The following MED13L variants were observed in gnomAD, a reference collection of about 807,000 sequenced individuals.
The protein encoded by MED13L is mediator of RNA polymerase II transcription subunit 13-like.
MED13L carries 7 observed loss-of-function variants against 220.9 expected under a neutral mutation model. The ratio of observed to expected loss-of-function variants is 0.03; its 90% CI spans 0.02 to 0.06. The LOEUF (loss-of-function observed/expected upper bound fraction) is 0.06. Ranked by LOEUF, MED13L falls within the 10% of genes least tolerant of loss-of-function variation. The probability of loss-of-function intolerance (pLI) is 1.00; values close to 1 mark genes in which losing one functional copy is unlikely to be tolerated. For missense variants in MED13L, 1,965 were observed against 2,760.5 expected, an observed-to-expected ratio of 0.71 and a Z score of 6.46; for synonymous variants, 1,011 against 1,015.2, an observed-to-expected ratio of 1.00 and a Z score of 0.08.
chr12:116,257,245 A>T (rs1302788666), intron 1 of MED13L, among the ~76,000 whole-genome samples: 1 of 152,196 alleles, frequency 6.6e-6, no homozygotes, highest in Non-Finnish European at 1.5e-5. Context: ...ACAGAAACGT[A>T]TATTATTTAC....
chr12:116,087,422 T>G (rs1019030229), intron 4 of MED13L, among the ~76,000 whole-genome samples: 3 of 152,222 alleles, frequency 2.0e-5, no homozygotes, highest in Middle Eastern at 3.2e-3. Flanking sequence ...ACTGTATTCT[T>G]AACCATCTTT....
intron 4 of MED13L, among the ~76,000 whole-genome samples, chr12:116,088,703 C>A (rs1871931417): frequency 6.6e-6 from 1 of 150,916 alleles, no homozygotes; most frequent in African/African-American, 2.4e-5. Flanking sequence ...CAAAGTTAAC[C>A]CCTTGCTTAA....
In MED13L at chr12:116,010,103, A is replaced by G. The variant is rs2137392267; in HGVS notation, c.1281-971T>C. 1.3e-5 allele frequency among the ~76,000 whole-genome samples: 2 copies of G among 152,314 alleles called. 1 individual carries two copies. Among genetic ancestry groups the G allele is most frequent in the South Asian group, 4.1e-4 (2 of 4,830 alleles). On this transcript the variant is annotated intron_variant, in intron 9 of 30. Coordinates refer to ENST00000281928, the MANE Select transcript of MED13L (RefSeq NM_015335.5). ...GGGCATAATGGGATGGTTTAGTGGGACAGCAGGATGGCTGCCCTGCTCCAT... is the reference window on the plus strand; with the variant it reads ...GGGCATAATGGGATGGTTTAGTGGGGCAGCAGGATGGCTGCCCTGCTCCAT...
At chr12:116,145,778 T>C (rs1352894878) in intron 2 of MED13L, among the ~76,000 whole-genome samples, 2 of 151,768 alleles carry the variant, frequency 1.3e-5, no homozygotes, top group African/African-American at 2.4e-5. Flanking sequence ...TCTCCTGCCT[T>C]GGTCTCCCCA....
intron 7 of MED13L, among the ~76,000 whole-genome samples, chr12:116,018,897 T>TAAA (rs1303750002): frequency 9.0e-6 from 1 of 111,672 alleles, no homozygotes; most frequent in African/African-American, 3.3e-5. Flanking sequence ...TGTTCAAAAT[T>TAAA]AAAAAAAAAA....
At chr12:116,257,891 CA>C (rs1047047116) in intron 1 of MED13L, among the ~76,000 whole-genome samples, 3 of 150,504 alleles carry the variant, frequency 2.0e-5, no homozygotes, top group African/African-American at 4.9e-5. Context: ...CAGTCTAAGA[CA>C]AAAAAAAATC....
chr12:116,220,591 T>C (rs1883252446), intron 2 of MED13L, among the ~76,000 whole-genome samples: 1 of 152,090 alleles, frequency 6.6e-6, no homozygotes, highest in African/African-American at 2.4e-5. Context: ...CCCAGCTACT[T>C]GGGAGGCTGA....
chr12:115,984,311 A>G lies in MED13L; in HGVS notation c.4400T>C (p.Val1467Ala). Residue 1467 changes from valine (V) to alanine (A), a missense_variant, in exon 20 of 31, where the codon GTG becomes GCG. Val to Ala is a moderately conservative substitution (Grantham distance 64, BLOSUM62 0). Around this residue, in one of 10 missense-constraint regions of MED13L, gnomAD observed 510 missense variants for 620.4 expected, o/e 0.82. Transcript: ENST00000281928. ...CAGCTTCTGTGCCACAGTTTTTCCC[A>G]CGCGCATGATCCCGTCACGTAGCAC... is the stretch of plus-strand genomic sequence containing the variant. The part of the protein sequence containing the change: ...CKVLRDGIMR[V>A]GKTVAQKLTD... 6.2e-7 allele frequency: 1 copy of G among 1,614,030 alleles called. No homozygotes were observed. The highest frequency in any genetic ancestry group is 8.5e-7 in the Non-Finnish European group (1 of 1,180,000).
intron 9 of MED13L, among the ~76,000 whole-genome samples, chr12:116,010,475 T>G (rs1879325661): frequency 6.6e-6 from 1 of 152,178 alleles, no homozygotes; most frequent in African/African-American, 2.4e-5. Flanking sequence ...GTGGATAATC[T>G]AATCATAAAG....
intron 1 of MED13L, among the ~76,000 whole-genome samples, chr12:116,259,463 CAT>C (rs1205637375): frequency 6.6e-6 from 1 of 151,986 alleles, no homozygotes; most frequent in Non-Finnish European, 1.5e-5. Context: ...CATATAAATA[CAT>C]ATGTGATTAA....
chr12:116,059,503 C>T (rs1324388861), intron 4 of MED13L, among the ~76,000 whole-genome samples: 12 of 151,566 alleles, frequency 7.9e-5, no homozygotes, highest in African/African-American at 2.7e-4. Flanking sequence ...CTGCAACCTC[C>T]GCCTCCCGGG....
intron 2 of MED13L, among the ~76,000 whole-genome samples, chr12:116,191,007 G>C (rs906703139): frequency 2.0e-5 from 3 of 151,430 alleles, no homozygotes; most frequent in African/African-American, 7.3e-5. Flanking sequence ...CAGAAGAAGT[G>C]CTTGAACCCA....
intron 4 of MED13L, among the ~76,000 whole-genome samples, chr12:116,045,329 A>G (rs1881768343): frequency 6.6e-6 from 1 of 152,076 alleles, no homozygotes; most frequent in African/African-American, 2.4e-5. Flanking sequence ...TGAGACAACA[A>G]ATGAAAGCCT....
intron 2 of MED13L, among the ~76,000 whole-genome samples, chr12:116,177,580 T>C (rs1880165232): frequency 6.6e-6 from 1 of 152,206 alleles, no homozygotes; most frequent in East Asian, 1.9e-4. Flanking sequence ...GCTATTTATA[T>C]AACTTTAAAA....
intron 1 of MED13L, among the ~76,000 whole-genome samples, chr12:116,241,837 A>G (rs1157204545): frequency 6.6e-6 from 1 of 152,162 alleles, no homozygotes; most frequent in Non-Finnish European, 1.5e-5. Flanking sequence ...CCTAAAAGAG[A>G]TAACTAAGTA....
At chr12:116,146,529 G>GT (rs1480397639) in intron 2 of MED13L, among the ~76,000 whole-genome samples, 1 of 151,866 alleles carries the variant, frequency 6.6e-6, no homozygotes, top group Non-Finnish European at 1.5e-5. Flanking sequence ...GCATGGCCTA[G>GT]GGAAACCGAA....
intron 2 of MED13L, among the ~76,000 whole-genome samples, chr12:116,163,362 AT>A (rs35808540): frequency 0.48 from 67,693 of 140,222 alleles, 16,885 homozygotes; most frequent in East Asian, 0.75. Flanking sequence ...TAGGTGAAGA[AT>A]TTTTTTTTTT....
intron 18 of MED13L, 95 bp from the exon 19 acceptor site, chr12:115,986,584 T>A: frequency 8.9e-7 from 1 of 1,117,668 alleles, no homozygotes; most frequent in Non-Finnish European, 1.3e-6. Flanking sequence ...AATTCTGGCA[T>A]CTGAAATGTC....
chr12:116,120,662 C>G (rs149679627), intron 2 of MED13L, among the ~76,000 whole-genome samples: 2 of 151,976 alleles, frequency 1.3e-5, no homozygotes, highest in East Asian at 3.9e-4. Context: ...AAAGTCCTAT[C>G]TTTATGAAAC....
Sources: gnomAD v4.1 joint callset for allele counts (sites outside exome capture counted in the v4.1 genomes callset) on GRCh38, gnomAD v4.1.1 for gene constraint, gnomAD v4.1.1 regional missense constraint, MANE v1.5 for transcripts, NCBI Gene and HGNC (gene_info 2026-07-23, HGNC 2026-07-21) for gene names.